SMIM30: variants seen among roughly 807,000 people sequenced by gnomAD.
The protein encoded by SMIM30 is long intergenic non-protein coding RNA 998.
For missense variants in SMIM30, 43 were observed against 27.6 expected (o/e 1.56, Z -1.25); for synonymous variants, 19 against 11.5 (o/e 1.65, Z -1.31).
At chr7:113,117,687 T>C (rs1794706423) in intron 2 of SMIM30, 80 bp from the exon 3 acceptor site, 8 of 683,964 alleles carry the variant, frequency 1.2e-5, no homozygotes, top group Non-Finnish European at 1.9e-5. Flanking sequence ...ACATGACAAA[T>C]AACAGGCCAG....
At position 113,117,389 on chromosome 7, in the gene SMIM30, C is replaced by A; in HGVS notation, c.*10G>T. On this transcript the variant is annotated 3_prime_UTR_variant, in exon 3 of 3. Transcript: ENST00000397764. ...TCAGGGTGAGGTTTGACTCAGTAGG[C>A]CTTTCAAAGTCACATCTGTCCATTT... 1 of 702,888 alleles carries A rather than the reference C, an allele frequency of 1.4e-6. No homozygotes were observed. 43.5% of individuals were successfully genotyped at this position (702,888 alleles called of 1,614,324 possible). A position where few individuals can be genotyped will look rare whatever the true frequency, so the allele number is the denominator to read the frequency against.
In SMIM30 at chr7:113,118,554, T is replaced by C. The variant is rs1381849039; in HGVS notation, c.-150A>G. The stretch of plus-strand genomic sequence containing the variant: ...TTCTAGGAAGCAGCCATTACAGGAA[T>C]GGCGAGGAGGGCGGAGTCTCCAAAC... On this transcript the variant is annotated 5_prime_UTR_variant, in exon 1 of 3. Coordinates refer to ENST00000397764, the MANE Select transcript of SMIM30 (RefSeq NM_001352688.2). The C allele has an allele frequency of 6.6e-6, 3 of 454,990 alleles. No individual in the cohort carries two copies. Among genetic ancestry groups the C allele is most frequent in the Non-Finnish European group, 1.3e-5 (3 of 226,460 alleles). The allele number at this position is 454,990 out of a possible 1,614,324, so 28.2% of individuals were successfully genotyped here.
intron 1 of SMIM30, 35 bp from the exon 2 acceptor site, chr7:113,118,196 GAGA>G (rs368182698): frequency 7.0e-5 from 30 of 429,862 alleles, no homozygotes; most frequent in Non-Finnish European, 1.2e-4. Context: ...AGGGGGCGGA[GAGA>G]AGGATTTAAA....
rs1794716780 is a variant in SMIM30 at position 113,118,113 on chromosome 7, C to T, written c.-75G>A. ...AATTCTATCTGACTTGAAATTTTCC[C>T]TTCCTGGAGCTCCGGATGCTGAGAT... On this transcript the variant is annotated 5_prime_UTR_variant, in exon 2 of 3. Transcript: ENST00000397764. 4.4e-6 allele frequency: 2 copies of T among 453,556 alleles called. No homozygotes were observed. Among genetic ancestry groups the T allele is most frequent in the South Asian group, 1.6e-5 (1 of 64,386 alleles). 28.1% of individuals were successfully genotyped at this position (453,556 alleles called of 1,614,324 possible). A position where few individuals can be genotyped will look rare whatever the true frequency, so the allele number is the denominator to read the frequency against.
intron 2 of SMIM30, 174 bp downstream of exon 2, chr7:113,117,894 T>C (rs1484886374): frequency 5.1e-6 from 2 of 388,970 alleles, no homozygotes; most frequent in African/African-American, 2.1e-5. Context: ...GAGTTCATAA[T>C]TAAGAACAAA....
At chr7:113,118,447 C>T (rs186206299) in intron 1 of SMIM30, 81 bp downstream of exon 1, 5,694 of 456,070 alleles carry the variant, frequency 0.012, 51 homozygotes, top group Non-Finnish European at 0.017. Context: ...TACTTTGGCC[C>T]GGCAAGGTCC....
intron 1 of SMIM30, 135 bp from the exon 2 acceptor site, chr7:113,118,296 G>C (rs530554312): frequency 7.1e-6 from 3 of 423,778 alleles, no homozygotes; most frequent in South Asian, 5.2e-5. Flanking sequence ...AGGGGGATAG[G>C]TAATGAGTTG....
intron 1 of SMIM30, 80 bp from the exon 2 acceptor site, chr7:113,118,241 G>A: frequency 2.4e-6 from 1 of 417,986 alleles, no homozygotes; most frequent in East Asian, 7.2e-5. Flanking sequence ...TTATTTTAAA[G>A]AGGCAGCTAG....
rs1181539526 is a variant in SMIM30, at chr7:113,117,410, C to T, written c.169G>A (p.Gly57Arg). Residue 57 changes from glycine (G) to arginine (R), a missense_variant, in exon 3 of 3, where the codon GGA becomes AGA. Physicochemically the swap from Gly to Arg is moderately radical, Grantham distance 125. Transcript: ENST00000397764. Reference sequence around the variant, plus strand: ...TAGGCCTTTCAAAGTCACATCTGTCCATTTCTTTTTCGTGCATATACCCCC... The same window carrying T: ...TAGGCCTTTCAAAGTCACATCTGTCTATTTCTTTTTCGTGCATATACCCCC... ...CLGVYARKRNGQM is the reference protein window; with the variant it reads ...CLGVYARKRNRQM 5 of 702,730 alleles carry T rather than the reference C, an allele frequency of 7.1e-6. No individual in the cohort carries two copies. In the Admixed American group the frequency reaches 8.0e-5, roughly 11 times the overall value. 43.5% of individuals were successfully genotyped at this position (702,730 alleles called of 1,614,324 possible).
intron 1 of SMIM30, 40 bp downstream of exon 1, chr7:113,118,488 T>C (rs1440231010): frequency 2.2e-6 from 1 of 456,112 alleles, no homozygotes; most frequent in African/African-American, 2.0e-5. Flanking sequence ...AATACACTGG[T>C]GCAACCTAAG....
At chr7:113,118,210 A>T (rs779098407) in intron 1 of SMIM30, 49 bp from the exon 2 acceptor site, 4 of 430,928 alleles carry the variant, frequency 9.3e-6, no homozygotes, top group South Asian at 6.7e-5. Flanking sequence ...AGGATTTAAA[A>T]ATTAATTATT....
chr7:113,118,189 G>A (rs755052276), intron 1 of SMIM30, 28 bp from the exon 2 acceptor site: 32 of 424,372 alleles, frequency 7.5e-5, no homozygotes, highest in South Asian at 5.5e-4. Flanking sequence ...GGTGGGGAGG[G>A]GGCGGAGAGA....
chr7:113,116,918 G>C lies in SMIM30; in HGVS notation c.*481C>G, dbSNP rs1033880833. 1 of 153,280 alleles carries C rather than the reference G, an allele frequency of 6.5e-6. No homozygotes were observed. Among genetic ancestry groups the C allele is most frequent in the African/African-American group, 2.4e-5 (1 of 41,072 alleles). 9.5% of individuals were successfully genotyped at this position (153,280 alleles called of 1,614,324 possible). ...CATTTTTCTAAATGTTTTTTCCCTA[G>C]AGATAAAAGTTTTCCTTTTTGCCTG... On this transcript the variant is annotated 3_prime_UTR_variant, in exon 3 of 3. Transcript: ENST00000397764.
rs529106642 is a variant in SMIM30, at chr7:113,117,282, A to G, written c.*117T>C. ...TTGCCATTTCATGGAAACAATGAAAAATGTGAAACTCCCTTATTTACTGAT... is the reference window on the plus strand; with the variant it reads ...TTGCCATTTCATGGAAACAATGAAAGATGTGAAACTCCCTTATTTACTGAT... On this transcript the variant is annotated 3_prime_UTR_variant, in exon 3 of 3. Transcript: ENST00000397764. 4.6e-5 allele frequency: 28 copies of G among 607,022 alleles called. No homozygotes were observed. In the South Asian group the frequency reaches 5.3e-4, roughly 12 times the overall value. The allele number at this position is 607,022 out of a possible 1,614,324, so 37.6% of individuals were successfully genotyped here. A position where few individuals can be genotyped will look rare whatever the true frequency, so the allele number is the denominator to read the frequency against.
intron 2 of SMIM30, 163 bp downstream of exon 2, chr7:113,117,905 C>A (rs200615928): frequency 2.7e-6 from 1 of 373,864 alleles, no homozygotes; most frequent in South Asian, 2.3e-5. Context: ...TAAGAACAAA[C>A]AGAAAAAAAG....
rs1794726196 is a variant in SMIM30 at position 113,118,537 on chromosome 7, A to G, written c.-133T>C. ...CGAGTTCGTACATTACCTTCTAGGA[A>G]GCAGCCATTACAGGAATGGCGAGGA... On this transcript the variant is annotated 5_prime_UTR_variant, in exon 1 of 3. Coordinates refer to ENST00000397764, the MANE Select transcript of SMIM30 (RefSeq NM_001352688.2). The G allele has an allele frequency of 2.2e-6, 1 of 455,694 alleles. No individual in the cohort carries two copies. The highest frequency in any genetic ancestry group is 2.3e-5 in the Admixed American group (1 of 42,560). The allele number at this position is 455,694 out of a possible 1,614,324, so 28.2% of individuals were successfully genotyped here.
intron 1 of SMIM30, 176 bp from the exon 2 acceptor site, chr7:113,118,337 T>G (rs1794720840): frequency 4.5e-6 from 2 of 441,564 alleles, no homozygotes; most frequent in African/African-American, 2.0e-5. Context: ...GAACTAGACT[T>G]AAAAGTTGGT....
chr7:113,118,304 T>C (rs2115879389), intron 1 of SMIM30, 143 bp from the exon 2 acceptor site: 1 of 423,994 alleles, frequency 2.4e-6, no homozygotes, highest in South Asian at 1.7e-5. Flanking sequence ...AGGTAATGAG[T>C]TGAGAAAAGT....
In SMIM30 at chr7:113,118,080, A is replaced by G. The variant is rs750296378; in HGVS notation, c.-42T>C. 4.4e-5 allele frequency: 20 copies of G among 453,266 alleles called. 1 individual carries two copies. Among genetic ancestry groups the G allele is most frequent in the South Asian group, 3.1e-4 (20 of 64,322 alleles). The allele number at this position is 453,266 out of a possible 1,614,324, so 28.1% of individuals were successfully genotyped here. A position where few individuals can be genotyped will look rare whatever the true frequency, so the allele number is the denominator to read the frequency against. ...TAATAAGACTTACCAAAGAAATGGT[A>G]TATATAGAATTCTATCTGACTTGAA... is the stretch of plus-strand genomic sequence containing the variant. On this transcript the variant is annotated 5_prime_UTR_variant, in exon 2 of 3. Coordinates refer to ENST00000397764, the MANE Select transcript of SMIM30 (RefSeq NM_001352688.2).
Sources: allele counts gnomAD v4.1 joint callset, GRCh38; gene constraint gnomAD v4.1.1; transcripts MANE v1.5; gene names NCBI Gene and HGNC (gene_info 2026-07-23, HGNC 2026-07-21).